FRMD4B: variants seen among roughly 807,000 people sequenced by gnomAD.
FRMD4B encodes the protein FERM domain containing 4B.
FRMD4B carries 74 observed loss-of-function variants against 141.5 expected under a neutral mutation model. The ratio of observed to expected loss-of-function variants is 0.52; its 90% confidence interval spans 0.43 to 0.63. FRMD4B has a LOEUF of 0.63. FRMD4B is among the 30% of genes least tolerant of loss of function. FRMD4B has a pLI of 0.00. For synonymous variants in FRMD4B, 506 were observed against 467.9 expected (o/e 1.08, Z -1.05); for missense variants, 1,366 against 1,253.4 (o/e 1.09, Z -1.36).
intron 7 of FRMD4B, among the ~76,000 whole-genome samples, chr3:69,246,580 G>A (rs2093427507): frequency 6.6e-6 from 1 of 152,152 alleles, no homozygotes; most frequent in Admixed American, 6.5e-5. Context: ...ATGGTAATTT[G>A]CAAAATGCTC....
At chr3:69,209,808 G>C (rs767228317) in intron 11 of FRMD4B, among the ~76,000 whole-genome samples, 1 of 152,152 alleles carries the variant, frequency 6.6e-6, no homozygotes, top group Non-Finnish European at 1.5e-5. Flanking sequence ...AATGTAGAAA[G>C]AGAACAACCC....
intron 1 of FRMD4B, among the ~76,000 whole-genome samples, chr3:69,444,923 G>T (rs1160394557): frequency 1.3e-5 from 2 of 152,202 alleles, no homozygotes; most frequent in African/African-American, 4.8e-5. Context: ...ACCACGTGGA[G>T]AAATTAAGCA....
intron 1 of FRMD4B, among the ~76,000 whole-genome samples, chr3:69,440,046 A>G (rs560522135): frequency 6.7e-4 from 102 of 152,168 alleles, no homozygotes; most frequent in Non-Finnish European, 1.1e-3. Flanking sequence ...TTTTTATTTT[A>G]TGGTGCCATG....
At chr3:69,247,398 T>C (rs1481908940) in intron 7 of FRMD4B, among the ~76,000 whole-genome samples, 1 of 152,164 alleles carries the variant, frequency 6.6e-6, no homozygotes, top group Admixed American at 6.5e-5. Flanking sequence ...TTATCCAGGG[T>C]TGTTTTTTAA....
chr3:69,355,424 C>T (rs9825849), intron 1 of FRMD4B, among the ~76,000 whole-genome samples: 59,406 of 151,786 alleles, frequency 0.39, 14,245 homozygotes, highest in African/African-American at 0.69. Context: ...ACAGAACCTT[C>T]TATTTGTTAA....
chr3:69,438,761 A>G (rs1705298397), intron 1 of FRMD4B, among the ~76,000 whole-genome samples: 2 of 152,080 alleles, frequency 1.3e-5, no homozygotes, highest in Non-Finnish European at 1.5e-5. Flanking sequence ...CCACCACCCA[A>G]TCTCCATCCT....
At chr3:69,536,171 G>T (rs1339752980) in intron 1 of FRMD4B, 1 of 539,884 alleles carries the variant, frequency 1.9e-6, no homozygotes, top group Non-Finnish European at 3.5e-6. Context: ...TGGCCTCTTC[G>T]CTGCCTTCTT....
At chr3:69,510,615 G>A (rs7623241) in intron 1 of FRMD4B, among the ~76,000 whole-genome samples, 35,460 of 152,024 alleles carry the variant, frequency 0.23, 4,294 homozygotes, top group African/African-American at 0.28. Context: ...AAATTTACAC[G>A]TTTAGGGCTA....
At chr3:69,280,249 G>A (rs1444592226) in intron 5 of FRMD4B, among the ~76,000 whole-genome samples, 1 of 152,106 alleles carries the variant, frequency 6.6e-6, no homozygotes, top group Non-Finnish European at 1.5e-5. Flanking sequence ...TGAAGGCAAG[G>A]TGGGCCCCTC....
At chr3:69,392,053 A>C (rs190292722) in intron 2 of FRMD4B, among the ~76,000 whole-genome samples, 13 of 152,338 alleles carry the variant, frequency 8.5e-5, no homozygotes, top group South Asian at 4.1e-4. Context: ...CTGACCAATA[A>C]ATGACTATTT....
At chr3:69,205,854 G>T (rs1226445269) in intron 11 of FRMD4B, among the ~76,000 whole-genome samples, 7 of 152,156 alleles carry the variant, frequency 4.6e-5, no homozygotes, top group Non-Finnish European at 1.0e-4. Flanking sequence ...TTTTTACTCT[G>T]AAACAATTAA....
chr3:69,496,622 A>G (rs1353538167), intron 1 of FRMD4B, among the ~76,000 whole-genome samples: 1 of 120,454 alleles, frequency 8.3e-6, no homozygotes, highest in Non-Finnish European at 1.8e-5. Context: ...TGAGAGAGAG[A>G]GAGAGAGAGA....
chr3:69,510,386 A>G (rs1706669558), intron 1 of FRMD4B, among the ~76,000 whole-genome samples: 1 of 152,180 alleles, frequency 6.6e-6, no homozygotes, highest in South Asian at 2.1e-4. Context: ...TGATTCATAG[A>G]CGTTTTATTC....
At chr3:69,455,072 A>G (rs968961511) in intron 1 of FRMD4B, among the ~76,000 whole-genome samples, 7 of 152,254 alleles carry the variant, frequency 4.6e-5, no homozygotes, top group African/African-American at 1.7e-4. Context: ...TACACCAATC[A>G]GCACTCTGTG....
At chr3:69,378,806 TAA>T (rs960209156) in intron 1 of FRMD4B, among the ~76,000 whole-genome samples, 1 of 143,936 alleles carries the variant, frequency 6.9e-6, no homozygotes, top group African/African-American at 2.5e-5. Context: ...TCATCAAGGT[TAA>T]AAAAAAAAAA....
At chr3:69,190,053 A>C in intron 17 of FRMD4B, 101 bp from the exon 18 acceptor site, 1 of 676,948 alleles carries the variant, frequency 1.5e-6, no homozygotes, top group Non-Finnish European at 2.7e-6. Context: ...CATTTAAATA[A>C]ATGTAATTAA....
intron 11 of FRMD4B, chr3:69,200,983 TC>T: frequency 2.6e-6 from 1 of 384,758 alleles, no homozygotes; most frequent in Non-Finnish European, 5.3e-6. Context: ...CGCTTTGGAC[TC>T]CATTCAGCCT....
At chr3:69,347,519 C>G (rs1357848306) in intron 1 of FRMD4B, among the ~76,000 whole-genome samples, 2 of 152,226 alleles carry the variant, frequency 1.3e-5, no homozygotes, top group African/African-American at 4.8e-5. Context: ...CACAAATCAA[C>G]AGAATATACA....
intron 9 of FRMD4B, among the ~76,000 whole-genome samples, chr3:69,220,440 T>A (rs1376110870): frequency 6.6e-6 from 1 of 152,216 alleles, no homozygotes; most frequent in Non-Finnish European, 1.5e-5. Context: ...TGTCACTACT[T>A]CTTTTTACTT....
Sources: gnomAD v4.1 joint callset for allele counts (sites outside exome capture counted in the v4.1 genomes callset) on GRCh38, gnomAD v4.1.1 for gene constraint, MANE v1.5 for transcripts, NCBI Gene and HGNC (gene_info 2026-07-23, HGNC 2026-07-21) for gene names.